Variants in FER observed in about 807,000 individuals in gnomAD.
FER encodes the protein tyrosine-protein kinase Fer.
FER carries 63 observed loss-of-function variants against 111.0 expected under a neutral mutation model. That is an observed-to-expected ratio of 0.57 (90% CI 0.46 to 0.70). The LOEUF (loss-of-function observed/expected upper bound fraction) is 0.70. Ranked by LOEUF, FER falls within the 30% of genes least tolerant of loss-of-function variation. The probability of loss-of-function intolerance (pLI) is 0.00; values close to 1 mark genes in which losing one functional copy is unlikely to be tolerated. For synonymous variants in FER, 327 were observed against 313.9 expected (o/e 1.04, Z -0.44); for missense variants, 914 against 954.0 (o/e 0.96, Z 0.55).
At chr5:108,932,802 G>A (rs1032452824) in intron 10 of FER, among the ~76,000 whole-genome samples, 2 of 148,668 alleles carry the variant, frequency 1.3e-5, no homozygotes, top group African/African-American at 4.9e-5. Flanking sequence ...TTGTATGTTT[G>A]TTGGCTACAT....
chr5:109,125,150 A>G (rs185981833), intron 17 of FER, among the ~76,000 whole-genome samples: 4 of 151,938 alleles, frequency 2.6e-5, no homozygotes, highest in Admixed American at 2.0e-4. Context: ...GCTGTTCTCA[A>G]GATTCTAATA....
At chr5:108,752,389 A>G (rs1171490273) in intron 1 of FER, among the ~76,000 whole-genome samples, 3 of 152,080 alleles carry the variant, frequency 2.0e-5, no homozygotes, top group African/African-American at 7.2e-5. Flanking sequence ...ACACTCTACC[A>G]ATTATTGAGA....
chr5:108,941,840 G>T (rs1312535682), intron 10 of FER, among the ~76,000 whole-genome samples: 1 of 152,168 alleles, frequency 6.6e-6, no homozygotes, highest in Non-Finnish European at 1.5e-5. Flanking sequence ...TTAGGACAGT[G>T]TTGGCTACAT....
chr5:108,937,944 A>AGAG (rs1296508211), intron 10 of FER, among the ~76,000 whole-genome samples: 1 of 151,216 alleles, frequency 6.6e-6, no homozygotes, highest in African/African-American at 2.4e-5. Flanking sequence ...TGGTGAAGGG[A>AGAG]GAGGTTCATC....
chr5:108,931,698 C>A (rs901086554), intron 10 of FER, among the ~76,000 whole-genome samples: 1 of 151,920 alleles, frequency 6.6e-6, no homozygotes, highest in Non-Finnish European at 1.5e-5. Flanking sequence ...GGCATGGTGG[C>A]GGGGACCTGT....
chr5:108,895,426 A>G (rs1037707118), intron 9 of FER, among the ~76,000 whole-genome samples: 1 of 152,170 alleles, frequency 6.6e-6, no homozygotes, highest in South Asian at 2.1e-4. Flanking sequence ...GCCTAAAACT[A>G]TGGTATTCCT....
intron 1 of FER, among the ~76,000 whole-genome samples, chr5:108,756,171 A>AAT (rs1561370513): frequency 1.4e-5 from 2 of 142,938 alleles, no homozygotes; most frequent in East Asian, 3.9e-4. Context: ...AAAAAAAAAA[A>AAT]AATAATAATA....
chr5:108,935,756 AT>A (rs1755376050), intron 10 of FER, among the ~76,000 whole-genome samples: 1 of 152,084 alleles, frequency 6.6e-6, no homozygotes, highest in South Asian at 2.1e-4. Context: ...ACTATAAAAT[AT>A]TTTTCTTTTG....
At chr5:108,931,904 G>T (rs1211206839) in intron 10 of FER, among the ~76,000 whole-genome samples, 1 of 152,040 alleles carries the variant, frequency 6.6e-6, no homozygotes, top group Non-Finnish European at 1.5e-5. Context: ...CCATTTGAAT[G>T]TGGTAATTGT....
At chr5:109,114,170 T>G (rs1749962646) in intron 17 of FER, among the ~76,000 whole-genome samples, 1 of 152,128 alleles carries the variant, frequency 6.6e-6, no homozygotes, top group Admixed American at 6.6e-5. Flanking sequence ...GTAAAAGGAC[T>G]TGATTAATTT....
intron 12 of FER, among the ~76,000 whole-genome samples, chr5:108,957,664 C>T (rs1035057430): frequency 1.3e-5 from 2 of 151,530 alleles, no homozygotes; most frequent in African/African-American, 4.8e-5. Context: ...ATGCTTATTG[C>T]AGTACTATTC....
chr5:109,058,824 C>A (rs1290069578), intron 16 of FER, among the ~76,000 whole-genome samples: 1 of 139,682 alleles, frequency 7.2e-6, no homozygotes, highest in Non-Finnish European at 1.5e-5. Flanking sequence ...CCTCCGCCTT[C>A]TGGGTTCAAG....
intron 16 of FER, among the ~76,000 whole-genome samples, chr5:109,091,074 C>A (rs1778114804): frequency 6.6e-6 from 1 of 152,110 alleles, no homozygotes; most frequent in Non-Finnish European, 1.5e-5. Context: ...ATGGGAGAAA[C>A]CACTGAAGGT....
chr5:108,783,108 C>G (rs528565500), intron 2 of FER, among the ~76,000 whole-genome samples: 1 of 152,006 alleles, frequency 6.6e-6, no homozygotes, highest in South Asian at 2.1e-4. Flanking sequence ...AATGTTGGAT[C>G]TTTTGTTGTT....
intron 17 of FER, among the ~76,000 whole-genome samples, chr5:109,152,355 T>A (rs1582276817): frequency 6.6e-6 from 1 of 152,076 alleles, no homozygotes; most frequent in Non-Finnish European, 1.5e-5. Flanking sequence ...AGGGGGTACT[T>A]GGGAAATAAA....
intron 6 of FER, 53 bp from the exon 7 acceptor site, chr5:108,871,312 T>C: frequency 6.9e-7 from 1 of 1,441,792 alleles, no homozygotes; most frequent in Non-Finnish European, 9.6e-7. Flanking sequence ...TTTGAGATAG[T>C]ATCTCTCTTG....
intron 13 of FER, among the ~76,000 whole-genome samples, chr5:108,967,505 T>C (rs1055766943): frequency 6.6e-6 from 1 of 152,148 alleles, no homozygotes; most frequent in Non-Finnish European, 1.5e-5. Context: ...CTTACACCTG[T>C]AATCTCAGCA....
chr5:109,112,175 A>T (rs988601022), intron 17 of FER, among the ~76,000 whole-genome samples: 12 of 152,160 alleles, frequency 7.9e-5, no homozygotes, highest in Middle Eastern at 6.3e-3. Flanking sequence ...AAAATAAGAC[A>T]TAGATAAGTT....
chr5:108,773,647 A>G (rs1367448807), intron 2 of FER, among the ~76,000 whole-genome samples: 2 of 152,132 alleles, frequency 1.3e-5, no homozygotes, highest in East Asian at 3.8e-4. Context: ...ATAGTGTGGC[A>G]GTGAACATAT....
Sources: allele counts gnomAD v4.1 joint callset (sites outside exome capture counted in the v4.1 genomes callset), GRCh38; gene constraint gnomAD v4.1.1; transcripts MANE v1.5; gene names NCBI Gene and HGNC (gene_info 2026-07-23, HGNC 2026-07-21).